Variants in TUBGCP3 observed in about 807,000 individuals in gnomAD.
The protein encoded by TUBGCP3 is gamma-tubulin complex component 3.
TUBGCP3 carries 50 observed loss-of-function variants against 123.1 expected under a neutral mutation model. That is an observed-to-expected ratio of 0.41 (90% CI 0.32 to 0.51). TUBGCP3 has a LOEUF of 0.51. TUBGCP3 is among the 20% of genes least tolerant of loss of function. The pLI, the probability that TUBGCP3 is intolerant of heterozygous loss-of-function variation, is 0.36. For missense variants in TUBGCP3, 882 were observed against 1,127.0 expected, an observed-to-expected ratio of 0.78 and a Z score of 3.11; for synonymous variants, 405 against 413.9, an observed-to-expected ratio of 0.98 and a Z score of 0.26.
chr13:112,591,768 G>T (rs929937373), upstream of TUBGCP3, among the ~76,000 whole-genome samples: 2 of 152,224 alleles, frequency 1.3e-5, no homozygotes, highest in African/African-American at 4.8e-5. Context: ...CATAGGAAGA[G>T]CTTTCCAGTA....
intron 20 of TUBGCP3, among the ~76,000 whole-genome samples, chr13:112,494,492 T>G (rs1467064438): frequency 6.6e-6 from 1 of 152,242 alleles, no homozygotes; most frequent in Admixed American, 6.5e-5. Context: ...GCCCCACGGC[T>G]CTCAGCACCA....
intron 11 of TUBGCP3, among the ~76,000 whole-genome samples, chr13:112,538,878 T>C (rs1013315612): frequency 6.6e-6 from 1 of 152,194 alleles, no homozygotes; most frequent in African/African-American, 2.4e-5. Context: ...AATTTCCACA[T>C]TTTAATTACA....
intron 7 of TUBGCP3, 81 bp downstream of exon 7, chr13:112,554,806 A>G (rs1879889147): frequency 1.1e-5 from 11 of 975,012 alleles, no homozygotes; most frequent in East Asian, 2.4e-5. Flanking sequence ...GTACCACCTT[A>G]TCAATCAACA....
intron 19 of TUBGCP3, among the ~76,000 whole-genome samples, chr13:112,500,921 C>T (rs537715576): frequency 6.6e-6 from 1 of 152,366 alleles, no homozygotes; most frequent in Admixed American, 6.5e-5. Context: ...GAACTGATGT[C>T]TGATCTCAAG....
intron 16 of TUBGCP3, among the ~76,000 whole-genome samples, chr13:112,517,357 C>T (rs1876224646): frequency 6.6e-6 from 1 of 152,148 alleles, no homozygotes; most frequent in African/African-American, 2.4e-5. Context: ...AACATTATTG[C>T]ATTAGCAATT....
chr13:112,541,931 C>CAGAA (rs1878555593), intron 11 of TUBGCP3, among the ~76,000 whole-genome samples: 1 of 152,132 alleles, frequency 6.6e-6, no homozygotes, highest in South Asian at 2.1e-4. Context: ...TAAACTTTCT[C>CAGAA]CTTTTTATAA....
chr13:112,547,374 CCT>C, intron 10 of TUBGCP3: 1 of 535,988 alleles, frequency 1.9e-6, no homozygotes, highest in Non-Finnish European at 2.9e-6. Flanking sequence ...GGTTACGTCC[CCT>C]CTTGGCTCCC....
intron 16 of TUBGCP3, among the ~76,000 whole-genome samples, chr13:112,517,013 T>TTTTG (rs538247207): frequency 1.3e-3 from 203 of 152,250 alleles, no homozygotes; most frequent in African/African-American, 4.7e-3. Context: ...TATTTTGTTT[T>TTTTG]TTTGTTTGTT....
chr13:112,560,810 G>A (rs1360622839), intron 3 of TUBGCP3, among the ~76,000 whole-genome samples: 4 of 152,204 alleles, frequency 2.6e-5, no homozygotes, highest in African/African-American at 7.2e-5. Flanking sequence ...CCAGGGCCAC[G>A]AGGATAAGAA....
intron 1 of TUBGCP3, among the ~76,000 whole-genome samples, chr13:112,572,763 CA>C (rs1881512672): frequency 1.3e-5 from 2 of 152,232 alleles, no homozygotes; most frequent in East Asian, 3.9e-4. Flanking sequence ...AGTTACACAT[CA>C]ACGTAACAGA....
the TUBGCP3 span, among the ~76,000 whole-genome samples, chr13:112,601,185 TAAAAAA>T: frequency 1.2e-5 from 1 of 86,512 alleles, no homozygotes; most frequent in South Asian, 4.1e-4. Flanking sequence ...AGATTCTGTC[TAAAAAA>T]AAAAAAAAAA....
chr13:112,522,490 G>T lies in TUBGCP3; in HGVS notation c.1575C>A (p.Asp525Glu), dbSNP rs758245224. 1.6e-5 allele frequency: 26 copies of T among 1,613,512 alleles called. No individual in the cohort carries two copies. In the South Asian group the frequency reaches 2.5e-4, roughly 16 times the overall value. Residue 525 changes from aspartate to glutamate, a missense_variant, in exon 14 of 22, where the codon GAC becomes GAA. By Grantham distance (45) the Asp-to-Glu change is conservative. Coordinates refer to ENST00000261965, the MANE Select transcript of TUBGCP3 (RefSeq NM_006322.6). ...SPQDAADLFT[D>E]LENAFQGKID... is the part of the protein sequence containing the mutation. The stretch of plus-strand genomic sequence containing the variant: ...TCTTCCCCTGAAATGCATTTTCCAA[G>T]TCTGTGAATAGGTCTGCAGCTGTAA...
In TUBGCP3 at chr13:112,554,873, TTA is replaced by T. The variant is rs1245825082; in HGVS notation, c.840+12_840+13del. 6.5e-7 allele frequency: 1 copy of T among 1,537,346 alleles called. No individual in the cohort carries two copies. The highest frequency in any genetic ancestry group is 2.0e-5 in the Admixed American group (1 of 50,872). On this transcript the variant is annotated intron_variant, in intron 7 of 21. Coordinates refer to ENST00000261965, the MANE Select transcript of TUBGCP3 (RefSeq NM_006322.6). ...CTTTCTGAATATTTTAACTTAGATT[TTA>T]TGTTACTGTACCTTTCCTTCTACTT...
chr13:112,530,076 T>C (rs1026567106), intron 11 of TUBGCP3, among the ~76,000 whole-genome samples: 1 of 152,166 alleles, frequency 6.6e-6, no homozygotes, highest in African/African-American at 2.4e-5. Context: ...TCAGGTTGCT[T>C]AACGTATTCT....
chr13:112,532,335 C>A (rs1877650773), intron 11 of TUBGCP3, among the ~76,000 whole-genome samples: 1 of 152,142 alleles, frequency 6.6e-6, no homozygotes, highest in Non-Finnish European at 1.5e-5. Flanking sequence ...CTAAATAGAT[C>A]CAGAGATATT....
chr13:112,553,906 T>C, intron 8 of TUBGCP3, 151 bp downstream of exon 8: 1 of 1,207,834 alleles, frequency 8.3e-7, no homozygotes, highest in Non-Finnish European at 1.1e-6. Context: ...CTGTGGTTTC[T>C]ACTGTCTTGA....
intron 20 of TUBGCP3, among the ~76,000 whole-genome samples, chr13:112,496,737 A>G (rs547169089): frequency 9.1e-4 from 138 of 152,270 alleles, no homozygotes; most frequent in African/African-American, 3.2e-3. Flanking sequence ...TTGTAATCCC[A>G]GCACTTTGGG....
chr13:112,578,721 T>C (rs1047164206), intron 1 of TUBGCP3, among the ~76,000 whole-genome samples: 2 of 152,098 alleles, frequency 1.3e-5, no homozygotes, highest in African/African-American at 4.8e-5. Context: ...CACCAATAAA[T>C]AGTCTGGGCT....
At chr13:112,569,005 A>T in intron 2 of TUBGCP3, 147 bp downstream of exon 2, 1 of 681,504 alleles carries the variant, frequency 1.5e-6, no homozygotes, top group Non-Finnish European at 2.5e-6. Flanking sequence ...TTCTGACTCT[A>T]CAACAGAATT....
Sources: gnomAD v4.1 joint callset for allele counts (sites outside exome capture counted in the v4.1 genomes callset) on GRCh38, gnomAD v4.1.1 for gene constraint, MANE v1.5 for transcripts, NCBI Gene and HGNC (gene_info 2026-07-23, HGNC 2026-07-21) for gene names.